SYN2: variants seen among roughly 807,000 people sequenced by gnomAD.
SYN2 encodes the protein synapsin-2.
SYN2 carries 19 observed loss-of-function variants against 50.9 expected under a neutral mutation model. That is an observed-to-expected ratio of 0.37 (90% CI 0.26 to 0.55). SYN2 has a LOEUF of 0.55. Among genes scored for constraint, SYN2 ranks in the 20% least tolerant of loss-of-function variants. SYN2 has a pLI of 0.81. For synonymous variants in SYN2, 255 were observed against 224.9 expected, an observed-to-expected ratio of 1.13 and a Z score of -1.20; for missense variants, 587 against 576.4, an observed-to-expected ratio of 1.02 and a Z score of -0.19.
chr3:12,132,762 T>G (rs1696821699), intron 1 of SYN2, among the ~76,000 whole-genome samples: 1 of 152,214 alleles, frequency 6.6e-6, no homozygotes, highest in African/African-American at 2.4e-5. Flanking sequence ...GAGTAGCCCT[T>G]TATGTTGGGT....
intron 1 of SYN2, among the ~76,000 whole-genome samples, chr3:12,016,682 C>T (rs1694035387): frequency 6.6e-6 from 1 of 152,080 alleles, no homozygotes; most frequent in Non-Finnish European, 1.5e-5. Context: ...TATGGTGAAC[C>T]CCATCTCTAC....
chr3:12,071,239 C>T lies in SYN2; in HGVS notation c.377+66311C>T, dbSNP rs752691603. On this transcript the variant is annotated intron_variant, in intron 1 of 12. Transcript: ENST00000621198. ...GATCAAGATCATCGTGCCCCCAGAG[C>T]GCAAGTACTCTGTGTGGATCTGCAG... The T allele has an allele frequency of 2.7e-5, 15 of 554,286 alleles. No homozygotes were observed. In the East Asian group the frequency reaches 3.7e-4, roughly 14 times the overall value. The allele number at this position is 554,286 out of a possible 1,614,324, so 34.3% of individuals were successfully genotyped here. A position where few individuals can be genotyped will look rare whatever the true frequency, so the allele number is the denominator to read the frequency against.
At chr3:12,079,915 G>C (rs1695551309) in intron 1 of SYN2, among the ~76,000 whole-genome samples, 1 of 152,068 alleles carries the variant, frequency 6.6e-6, no homozygotes, top group African/African-American at 2.4e-5. Flanking sequence ...GAATTCAGCT[G>C]TATATCCGTC....
intron 1 of SYN2, among the ~76,000 whole-genome samples, chr3:12,089,388 A>G (rs1419650564): frequency 1.3e-4 from 20 of 152,238 alleles, no homozygotes; most frequent in Admixed American, 1.2e-3. Flanking sequence ...CCTGCCCCTC[A>G]TGATTCAGTT....
At chr3:12,008,720 C>A (rs2125129202) in intron 1 of SYN2, among the ~76,000 whole-genome samples, 1 of 152,332 alleles carries the variant, frequency 6.6e-6, no homozygotes, top group East Asian at 1.9e-4. Flanking sequence ...CAGTGTAATA[C>A]TGCAGAAGTT....
chr3:12,034,857 G>A (rs1183052370), intron 1 of SYN2, among the ~76,000 whole-genome samples: 1 of 152,102 alleles, frequency 6.6e-6, no homozygotes, highest in Admixed American at 6.5e-5. Flanking sequence ...CTTCTCACAT[G>A]CAAAATATAT....
intron 1 of SYN2, among the ~76,000 whole-genome samples, chr3:12,048,830 T>C (rs563490033): frequency 6.6e-6 from 1 of 152,348 alleles, no homozygotes; most frequent in African/African-American, 2.4e-5. Context: ...AATCTAAGTT[T>C]GTCCAATTCT....
At position 12,115,443 on chromosome 3, in the gene SYN2, C is replaced by T. The variant is rs112652818; in HGVS notation, c.378-25208C>T. Among the ~76,000 whole-genome samples, 728 of 152,250 alleles carry T rather than the reference C, an allele frequency of 4.8e-3. 3 individuals are homozygous for T. Among genetic ancestry groups the T allele is most frequent in the Middle Eastern group, 0.014 (4 of 292 alleles). On this transcript the variant is annotated intron_variant, in intron 1 of 12. Coordinates refer to ENST00000621198, the MANE Select transcript of SYN2 (RefSeq NM_133625.6). ...GCTGCATAAGAACAGTTTCAACCCT[C>T]GTATCTTGTACTTTACCTACAAAAA... is the stretch of plus-strand genomic sequence containing the variant.
chr3:12,184,980 T>G (rs1426956740), intron 11 of SYN2: 54 of 985,668 alleles, frequency 5.5e-5, no homozygotes, highest in Non-Finnish European at 6.1e-5. Flanking sequence ...GAACTAGTGT[T>G]GGTGGTATGT....
intron 1 of SYN2, among the ~76,000 whole-genome samples, chr3:12,041,641 C>T (rs1268457431): frequency 6.6e-6 from 1 of 152,128 alleles, no homozygotes; most frequent in African/African-American, 2.4e-5. Flanking sequence ...CGTGTCCTTG[C>T]CTTTAGTCTC....
At chr3:12,076,883 A>G (rs75720819) in intron 1 of SYN2, among the ~76,000 whole-genome samples, 2 of 152,154 alleles carry the variant, frequency 1.3e-5, no homozygotes, top group East Asian at 3.9e-4. Context: ...CTGTAGTGAC[A>G]GATGGTTTGG....
chr3:12,153,833 T>G, intron 5 of SYN2: 1 of 1,074,950 alleles, frequency 9.3e-7, no homozygotes. Context: ...TATCAAGCCT[T>G]TCCCAGTCCC....
chr3:12,008,611 TGCTAAG>T (rs1392417134), intron 1 of SYN2, among the ~76,000 whole-genome samples: 1 of 152,222 alleles, frequency 6.6e-6, no homozygotes, highest in East Asian at 1.9e-4. Context: ...ATGCCATTAG[TGCTAAG>T]GGTATGGCAA....
chr3:12,156,791 T>G (rs759512231), intron 5 of SYN2: 5 of 1,570,680 alleles, frequency 3.2e-6, no homozygotes, highest in Non-Finnish European at 4.4e-6. Flanking sequence ...TCTATTATAT[T>G]AAGGCCAGTT....
chr3:12,098,706 A>G (rs979198698), intron 1 of SYN2, among the ~76,000 whole-genome samples: 11 of 151,744 alleles, frequency 7.2e-5, no homozygotes, highest in African/African-American at 2.7e-4. Flanking sequence ...TGTAATTCCT[A>G]CCTTAATAAT....
intron 1 of SYN2, among the ~76,000 whole-genome samples, chr3:12,035,220 G>A (rs1694471518): frequency 6.6e-6 from 1 of 152,144 alleles, no homozygotes; most frequent in Non-Finnish European, 1.5e-5. Flanking sequence ...GGTCACTCTG[G>A]GTCAGGGACT....
chr3:12,134,337 C>T (rs1696851491), intron 1 of SYN2, among the ~76,000 whole-genome samples: 1 of 152,178 alleles, frequency 6.6e-6, no homozygotes, highest in Non-Finnish European at 1.5e-5. Context: ...CCCTCAAGTT[C>T]CAGAGACTCC....
chr3:12,123,380 C>T (rs1340390109), intron 1 of SYN2, among the ~76,000 whole-genome samples: 1 of 152,118 alleles, frequency 6.6e-6, no homozygotes, highest in Non-Finnish European at 1.5e-5. Context: ...GGACTGAGAG[C>T]AGGGGCAAAA....
intron 5 of SYN2, chr3:12,157,028 G>T (rs1697478906): frequency 2.3e-6 from 2 of 879,622 alleles, no homozygotes; most frequent in Non-Finnish European, 3.5e-6. Flanking sequence ...GCCTAAAAAT[G>T]TAAGCAAAAG....
Sources: gnomAD v4.1 joint callset for allele counts (sites outside exome capture counted in the v4.1 genomes callset) on GRCh38, gnomAD v4.1.1 for gene constraint, MANE v1.5 for transcripts, NCBI Gene and HGNC (gene_info 2026-07-23, HGNC 2026-07-21) for gene names.